CNTN4: variants seen among roughly 807,000 people sequenced by gnomAD.
CNTN4 encodes the protein contactin-4.
A neutral mutation model predicts 122.5 loss-of-function variants in CNTN4; 77 were observed. The observed-to-expected ratio is 0.63, with a 90% CI of 0.52 to 0.76. CNTN4 has a LOEUF of 0.76. Ranked by LOEUF, CNTN4 falls within the 30% of genes least tolerant of loss-of-function variation. CNTN4 has a pLI of 0.00. For synonymous variants in CNTN4, 512 were observed against 447.0 expected, an observed-to-expected ratio of 1.15 and a Z score of -1.83; for missense variants, 1,256 against 1,259.1, an observed-to-expected ratio of 1.00 and a Z score of 0.04.
intron 6 of CNTN4, among the ~76,000 whole-genome samples, chr3:2,773,762 C>CTTTTTTTTTTTTTTTTTTTTTTTT (rs1234334638): frequency 1.3e-4 from 14 of 107,520 alleles, no homozygotes; most frequent in African/African-American, 4.9e-4. Flanking sequence ...ATGTAGTAGA[C>CTTTTTTTTTTTTTTTTTTTTTTTT]TTTTTTTTTT....
At position 2,669,884 on chromosome 3, in the gene CNTN4, T is replaced by G. The variant is rs1185800827; in HGVS notation, c.56-66331T>G. On this transcript the variant is annotated intron_variant, in intron 4 of 24. Coordinates refer to ENST00000418658, the MANE Select transcript of CNTN4 (RefSeq NM_175607.3). ...TCATTCAGGAGCAGGTTGTTCAGTT[T>G]CCATGTAGTTGAGCAGTTTTGAGTG... is the stretch of plus-strand genomic sequence containing the variant. 3.3e-5 allele frequency among the ~76,000 whole-genome samples: 5 copies of G among 152,318 alleles called. No individual in the cohort carries two copies. In the East Asian group the frequency reaches 7.7e-4, roughly 23 times the overall value.
intron 8 of CNTN4, among the ~76,000 whole-genome samples, chr3:2,874,532 A>T (rs1334605605): frequency 2.0e-5 from 3 of 152,158 alleles, no homozygotes; most frequent in African/African-American, 4.8e-5. Flanking sequence ...TAGAGATGCA[A>T]AAGTCCTTCT....
intron 4 of CNTN4, among the ~76,000 whole-genome samples, chr3:2,696,893 A>G (rs1335684587): frequency 1.3e-5 from 2 of 152,222 alleles, no homozygotes; most frequent in African/African-American, 4.8e-5. Context: ...GAGCATCCCA[A>G]TTTAAGATAG....
intron 6 of CNTN4, among the ~76,000 whole-genome samples, chr3:2,762,865 A>G (rs1306457795): frequency 6.7e-6 from 1 of 149,074 alleles, no homozygotes; most frequent in Non-Finnish European, 1.5e-5. Flanking sequence ...TAATATGGCC[A>G]TTCTGACTGG....
At chr3:2,147,400 A>G (rs2035295199) in intron 2 of CNTN4, among the ~76,000 whole-genome samples, 1 of 152,206 alleles carries the variant, frequency 6.6e-6, no homozygotes, top group South Asian at 2.1e-4. Context: ...ATTTGCAGTA[A>G]TTTTAACAGA....
chr3:2,805,143 C>G (rs766102423), intron 6 of CNTN4, among the ~76,000 whole-genome samples: 2 of 152,064 alleles, frequency 1.3e-5, no homozygotes, highest in Non-Finnish European at 2.9e-5. Context: ...CACCATCGCA[C>G]TCCAGCCTGT....
At chr3:2,878,782 A>T (rs60095187) in intron 8 of CNTN4, among the ~76,000 whole-genome samples, 38,998 of 152,132 alleles carry the variant, frequency 0.26, 5,108 homozygotes, top group Middle Eastern at 0.35. Context: ...TATTTGGTGT[A>T]ATATGTTTTG....
At chr3:2,289,934 G>C (rs1030312041) in intron 2 of CNTN4, among the ~76,000 whole-genome samples, 4 of 152,060 alleles carry the variant, frequency 2.6e-5, no homozygotes, top group Admixed American at 6.6e-5. Flanking sequence ...CGGAAACTTG[G>C]AGGCATAGTT....
chr3:2,868,357 T>G (rs2093747423), intron 8 of CNTN4, among the ~76,000 whole-genome samples: 1 of 152,212 alleles, frequency 6.6e-6, no homozygotes, highest in Admixed American at 6.5e-5. Flanking sequence ...CCTGATATCT[T>G]AAACCCTCAC....
intron 14 of CNTN4, among the ~76,000 whole-genome samples, chr3:2,998,263 C>A (rs1478560489): frequency 6.6e-6 from 1 of 152,068 alleles, no homozygotes. Flanking sequence ...TGATGCAGTC[C>A]AAATATGAGG....
At chr3:2,161,536 A>G (rs146476971) in intron 2 of CNTN4, among the ~76,000 whole-genome samples, 1 of 152,040 alleles carries the variant, frequency 6.6e-6, no homozygotes, top group African/African-American at 2.4e-5. Flanking sequence ...AGGCAGAGAG[A>G]GATGTCAAGA....
At chr3:2,727,573 T>C (rs2088319962) in intron 4 of CNTN4, among the ~76,000 whole-genome samples, 1 of 152,206 alleles carries the variant, frequency 6.6e-6, no homozygotes, top group Non-Finnish European at 1.5e-5. Context: ...GCTGTTCTTT[T>C]CCACGCCTAA....
chr3:2,827,709 T>G (rs2093016225), intron 7 of CNTN4, among the ~76,000 whole-genome samples: 1 of 152,234 alleles, frequency 6.6e-6, no homozygotes, highest in Admixed American at 6.5e-5. Flanking sequence ...AGTCTTCTCA[T>G]AAGCCAAACC....
chr3:3,037,880 G>T (rs1699758765), intron 18 of CNTN4, among the ~76,000 whole-genome samples: 1 of 152,204 alleles, frequency 6.6e-6, no homozygotes, highest in East Asian at 1.9e-4. Flanking sequence ...ATGGCCCTCT[G>T]CATATGCAGC....
chr3:2,739,376 T>C (rs1397449747), intron 5 of CNTN4, among the ~76,000 whole-genome samples: 1 of 151,868 alleles, frequency 6.6e-6, no homozygotes, highest in Non-Finnish European at 1.5e-5. Context: ...GTGTATATGA[T>C]TATGTTCATA....
rs1324127998 is a variant in CNTN4, at chr3:2,613,176, G to A, written c.55+41618G>A. On this transcript the variant is annotated intron_variant, in intron 4 of 24. Transcript: ENST00000418658. ...ATAGCTTCCGTAGTTCTAAGCACAC[G>A]TGGAGACTCCCTGTTCAGAAGAAAA... is the stretch of plus-strand genomic sequence containing the variant. Among the ~76,000 whole-genome samples the A allele has an allele frequency of 4.3e-5, 4 of 92,986 alleles. No individual in the cohort carries two copies. In the East Asian group the frequency reaches 7.4e-4, roughly 17 times the overall value. 61.0% of individuals were successfully genotyped at this position (92,986 alleles called of 152,430 possible).
At chr3:2,680,842 A>C (rs1410571798) in intron 4 of CNTN4, among the ~76,000 whole-genome samples, 1 of 152,212 alleles carries the variant, frequency 6.6e-6, no homozygotes, top group East Asian at 1.9e-4. Flanking sequence ...ACAGTAATTT[A>C]CTAATACTAA....
intron 8 of CNTN4, among the ~76,000 whole-genome samples, chr3:2,881,877 T>C (rs1415843901): frequency 6.6e-6 from 1 of 152,236 alleles, no homozygotes; most frequent in Admixed American, 6.5e-5. Flanking sequence ...CTCTTTTTCC[T>C]CTGACTATGG....
At chr3:2,326,424 C>T (rs2043459269) in intron 2 of CNTN4, among the ~76,000 whole-genome samples, 1 of 151,904 alleles carries the variant, frequency 6.6e-6, no homozygotes, top group African/African-American at 2.4e-5. Context: ...CTGACTCACC[C>T]TGCAGATTTT....
Sources: gnomAD v4.1 joint callset for allele counts (sites outside exome capture counted in the v4.1 genomes callset) on GRCh38, gnomAD v4.1.1 for gene constraint, MANE v1.5 for transcripts, NCBI Gene and HGNC (gene_info 2026-07-23, HGNC 2026-07-21) for gene names.